The following KCTD1 variants were observed in gnomAD, a reference collection of about 807,000 sequenced individuals.
KCTD1 encodes the protein potassium channel tetramerization domain containing 1, also known as BTB/POZ domain-containing protein KCTD1.
A neutral mutation model predicts 66.0 loss-of-function variants in KCTD1; 24 were observed. That is an observed-to-expected ratio of 0.36 (90% CI 0.26 to 0.51). The LOEUF is 0.51. KCTD1 is among the 20% of genes least tolerant of loss of function. The pLI, the probability that KCTD1 is intolerant of heterozygous loss-of-function variation, is 0.95. For missense variants in KCTD1, 943 were observed against 1,205.2 expected, an observed-to-expected ratio of 0.78 and a Z score of 3.22; for synonymous variants, 511 against 517.2, an observed-to-expected ratio of 0.99 and a Z score of 0.16.
chr18:26,514,353 G>C (rs1983522700), intron 1 of KCTD1, among the ~76,000 whole-genome samples: 1 of 151,994 alleles, frequency 6.6e-6, no homozygotes, highest in Non-Finnish European at 1.5e-5. Context: ...AGGAGTTCGA[G>C]ACCAGCCTGG....
At chr18:26,492,177 T>C (rs577104011) in intron 2 of KCTD1, among the ~76,000 whole-genome samples, 1 of 152,078 alleles carries the variant, frequency 6.6e-6, no homozygotes, top group Non-Finnish European at 1.5e-5. Flanking sequence ...AGGAGGTTTA[T>C]GCTGCAGTGA....
intron 3 of KCTD1, among the ~76,000 whole-genome samples, chr18:26,474,406 T>C (rs979504556): frequency 6.6e-6 from 1 of 152,228 alleles, no homozygotes; most frequent in Admixed American, 6.5e-5. Context: ...CATTTACTGC[T>C]GAATTGTCCT....
At chr18:26,508,050 A>G (rs1983136619) in intron 1 of KCTD1, among the ~76,000 whole-genome samples, 1 of 152,222 alleles carries the variant, frequency 6.6e-6, no homozygotes, top group African/African-American at 2.4e-5. Context: ...ATACTTACTT[A>G]AATTTCTGTG....
chr18:26,512,999 A>C (rs1056063375), intron 1 of KCTD1, among the ~76,000 whole-genome samples: 2 of 151,978 alleles, frequency 1.3e-5, no homozygotes, highest in Non-Finnish European at 2.9e-5. Flanking sequence ...TTTTTTTTTC[A>C]ATCAAATTAT....
chr18:26,655,441 CACACACACACAG>C (rs1988111850), intron 1 of KCTD1, among the ~76,000 whole-genome samples: 1 of 151,996 alleles, frequency 6.6e-6, no homozygotes, highest in Admixed American at 6.6e-5. Flanking sequence ...AGGATACACA[CACACACACACAG>C]ACACACACAC....
intron 2 of KCTD1, among the ~76,000 whole-genome samples, chr18:26,486,546 C>T (rs918389801): frequency 2.0e-5 from 3 of 152,204 alleles, no homozygotes; most frequent in African/African-American, 7.2e-5. Context: ...TCTCAGTATT[C>T]GCAACCCTAA....
rs561676434 is a variant in KCTD1, at chr18:26,476,425, T to C, written c.2133+90A>G. 7.0e-5 allele frequency: 88 copies of C among 1,260,918 alleles called. No homozygotes were observed. The highest frequency in any genetic ancestry group is 8.6e-5 in the Non-Finnish European group (79 of 916,384). 78.1% of individuals were successfully genotyped at this position (1,260,918 alleles called of 1,614,324 possible). On this transcript the variant is annotated intron_variant, in intron 3 of 4. Transcript: ENST00000580059. The surrounding 1 kb of genome is among the most constrained non-coding windows in gnomAD (Gnocchi z 4.9). ...CTCTGGCACCTTTCGAGTTGGTGTA[T>C]GTTAATAATGTAGAACTAGAAATAT...
At chr18:26,646,385 T>C (rs1469542037) in intron 1 of KCTD1, among the ~76,000 whole-genome samples, 1 of 152,152 alleles carries the variant, frequency 6.6e-6, no homozygotes, top group African/African-American at 2.4e-5. Context: ...GGCCAAAAAG[T>C]AGACAACAGT....
chr18:26,558,776 AG>A (rs1252502721), intron 1 of KCTD1, among the ~76,000 whole-genome samples: 2 of 152,076 alleles, frequency 1.3e-5, no homozygotes, highest in African/African-American at 4.8e-5. Flanking sequence ...ACAAAAAATT[AG>A]CTGGGCATGG....
intron 1 of KCTD1, among the ~76,000 whole-genome samples, chr18:26,588,423 G>A (rs1000454664): frequency 6.6e-6 from 1 of 152,212 alleles, no homozygotes; most frequent in African/African-American, 2.4e-5. Context: ...GGACCACACA[G>A]TGAGAACTTC....
intron 2 of KCTD1, among the ~76,000 whole-genome samples, chr18:26,477,973 G>A (rs1981436606): frequency 6.6e-6 from 1 of 152,092 alleles, no homozygotes; most frequent in South Asian, 2.1e-4. Context: ...ACCTTTCTGG[G>A]ATTCTTTCAC....
At chr18:26,650,011 C>T (rs1002477415) in intron 1 of KCTD1, among the ~76,000 whole-genome samples, 11 of 152,286 alleles carry the variant, frequency 7.2e-5, no homozygotes, top group South Asian at 4.2e-4. Flanking sequence ...GCATTTGCAT[C>T]ATTTCATAGC....
At chr18:26,467,215 T>C (rs995453066) in intron 3 of KCTD1, among the ~76,000 whole-genome samples, 2 of 152,002 alleles carry the variant, frequency 1.3e-5, no homozygotes, top group African/African-American at 4.8e-5. Flanking sequence ...TAAAATGTTA[T>C]TAAAAATAAA....
At chr18:26,514,564 A>G (rs1983548366) in intron 1 of KCTD1, among the ~76,000 whole-genome samples, 1 of 151,460 alleles carries the variant, frequency 6.6e-6, no homozygotes, top group African/African-American at 2.4e-5. Context: ...AAAAAAAAAA[A>G]AAAAAAAGAA....
intron 1 of KCTD1, among the ~76,000 whole-genome samples, chr18:26,504,432 T>C (rs1982926361): frequency 6.6e-6 from 1 of 152,198 alleles, no homozygotes; most frequent in African/African-American, 2.4e-5. Flanking sequence ...GGTTTCGCCA[T>C]GTTGCCCAGA....
At chr18:26,607,024 G>T (rs1006122303) in intron 1 of KCTD1, among the ~76,000 whole-genome samples, 3 of 152,052 alleles carry the variant, frequency 2.0e-5, no homozygotes, top group Admixed American at 6.6e-5. Context: ...GGCAGATCTA[G>T]CTGCTTTCTT....
intron 1 of KCTD1, among the ~76,000 whole-genome samples, chr18:26,621,659 G>A (rs1181679617): frequency 6.6e-6 from 1 of 152,186 alleles, no homozygotes; most frequent in Non-Finnish European, 1.5e-5. Context: ...ACGCCAACCT[G>A]TTGGCTCTTG....
chr18:26,491,276 T>C lies in KCTD1; in HGVS notation c.1988+9796A>G, dbSNP rs369036070. ...TGACTAACACAGCCATGGGCCTCAA[T>C]CCTCCCAGCCTGGAGAGCAGCCCTC... On this transcript the variant is annotated intron_variant, in intron 2 of 4. Coordinates refer to ENST00000580059, the MANE Select transcript of KCTD1 (RefSeq NM_001142730.3). Among the ~76,000 whole-genome samples, 24 of 152,088 alleles carry C rather than the reference T, an allele frequency of 1.6e-4. No homozygotes were observed. In the East Asian group the frequency reaches 2.3e-3, roughly 15 times the overall value.
intron 1 of KCTD1, among the ~76,000 whole-genome samples, chr18:26,539,580 CCA>C (rs1395455290): frequency 2.6e-5 from 4 of 152,196 alleles, no homozygotes; most frequent in African/African-American, 9.7e-5. Flanking sequence ...TCAGAACTCT[CCA>C]ATGAATGAAT....
Sources: allele counts gnomAD v4.1 joint callset (sites outside exome capture counted in the v4.1 genomes callset), GRCh38; gene constraint gnomAD v4.1.1; non-coding constraint Gnocchi (gnomAD v3.1); transcripts MANE v1.5; gene names NCBI Gene and HGNC (gene_info 2026-07-23, HGNC 2026-07-21).